Variants in MGAT4C observed in about 807,000 individuals in gnomAD.
MGAT4C encodes the protein alpha-1,3-mannosyl-glycoprotein 4-beta-N-acetylglucosaminyltransferase C.
In MGAT4C, 19 loss-of-function variants were observed where a neutral mutation model predicts 40.1. The observed-to-expected ratio is 0.47, with a 90% CI of 0.33 to 0.70. The LOEUF is 0.70. MGAT4C is among the 30% of genes least tolerant of loss of function. The pLI is 0.02. For missense variants in MGAT4C, 491 were observed against 563.2 expected, an observed-to-expected ratio of 0.87 and a Z score of 1.30; for synonymous variants, 181 against 187.1, an observed-to-expected ratio of 0.97 and a Z score of 0.27.
chr12:86,450,881 T>C (rs1957415864), intron 2 of MGAT4C, among the ~76,000 whole-genome samples: 1 of 152,192 alleles, frequency 6.6e-6, no homozygotes, highest in Non-Finnish European at 1.5e-5. Flanking sequence ...TACATTTATG[T>C]ATTCATACTT....
At chr12:86,216,434 A>G (rs1566161949) in intron 1 of MGAT4C, among the ~76,000 whole-genome samples, 1 of 152,234 alleles carries the variant, frequency 6.6e-6, no homozygotes, top group Non-Finnish European at 1.5e-5. Flanking sequence ...CCATCTGGGC[A>G]GAAACTCTTG....
chr12:86,593,825 G>A (rs1271564913), intron 2 of MGAT4C, among the ~76,000 whole-genome samples: 1 of 152,060 alleles, frequency 6.6e-6, no homozygotes, highest in Non-Finnish European at 1.5e-5. Flanking sequence ...ATTAAATGTA[G>A]TTGGTAGGGA....
intron 2 of MGAT4C, among the ~76,000 whole-genome samples, chr12:86,034,154 T>C (rs1012603951): frequency 2.7e-5 from 4 of 149,650 alleles, no homozygotes; most frequent in African/African-American, 9.7e-5. Flanking sequence ...TTCAGTTTGC[T>C]AGTATTTTGA....
At chr12:86,769,981 G>T (rs1240986836) in intron 1 of MGAT4C, among the ~76,000 whole-genome samples, 3 of 151,942 alleles carry the variant, frequency 2.0e-5, no homozygotes, top group African/African-American at 7.3e-5. Flanking sequence ...CCTGCATATT[G>T]TGCACATGTA....
chr12:86,228,332 A>G (rs1951178397), intron 1 of MGAT4C, among the ~76,000 whole-genome samples: 1 of 151,876 alleles, frequency 6.6e-6, no homozygotes, highest in Non-Finnish European at 1.5e-5. Flanking sequence ...ACCTGAGTGC[A>G]CCTCTATTTT....
At chr12:86,125,345 A>AG (rs34417675) in intron 1 of MGAT4C, among the ~76,000 whole-genome samples, 5 of 152,180 alleles carry the variant, frequency 3.3e-5, no homozygotes, top group Admixed American at 3.3e-4. Context: ...CATCCCACAC[A>AG]GGGAAAAAAG....
At chr12:86,495,651 G>C (rs1276834992) in intron 2 of MGAT4C, among the ~76,000 whole-genome samples, 1 of 151,960 alleles carries the variant, frequency 6.6e-6, no homozygotes, top group Non-Finnish European at 1.5e-5. Context: ...GATACCTACA[G>C]GAAGTTCTTG....
In MGAT4C at chr12:86,158,441, T is replaced by C. The variant is rs185947437; in HGVS notation, c.-57+97798A>G. 1.8e-3 allele frequency among the ~76,000 whole-genome samples: 280 copies of C among 152,298 alleles called. 1 individual carries two copies. The highest frequency in any genetic ancestry group is 6.5e-3 in the African/African-American group (272 of 41,572). On this transcript the variant is annotated intron_variant, in intron 1 of 4. Transcript: ENST00000611864. ...AAACTAGGCATAAAATATTGAAATA[T>C]AATTGTTAAAGGTATGGAATATGTA...
intron 1 of MGAT4C, among the ~76,000 whole-genome samples, chr12:86,231,405 T>C (rs1951318825): frequency 6.6e-6 from 1 of 152,170 alleles, no homozygotes; most frequent in South Asian, 2.1e-4. Context: ...GGTTACCTTC[T>C]GCCTTTCTAA....
chr12:86,153,629 A>AC lies in MGAT4C; in HGVS notation c.-57+102609dup, dbSNP rs1268222395. On this transcript the variant is annotated intron_variant, in intron 1 of 4. Coordinates refer to ENST00000611864, the MANE Select transcript of MGAT4C (RefSeq NM_001351288.2). The stretch of plus-strand genomic sequence containing the variant: ...AAGTGACTGGATTGTAGGGAGGTTT[A>AC]CCCCATGCTGTTCTTGTGATAATGA... Among the ~76,000 whole-genome samples the AC allele has an allele frequency of 7.2e-5, 11 of 152,176 alleles. 1 individual carries two copies. Among genetic ancestry groups the AC allele is most frequent in the Non-Finnish European group, 1.5e-5 (1 of 68,034 alleles).
chr12:86,619,548 C>T (rs1962572116), intron 2 of MGAT4C, among the ~76,000 whole-genome samples: 1 of 152,060 alleles, frequency 6.6e-6, no homozygotes, highest in Admixed American at 6.6e-5. Flanking sequence ...TTTCCTTTCT[C>T]CTGAAGCTTT....
chr12:86,513,532 T>G (rs10735250), intron 2 of MGAT4C, among the ~76,000 whole-genome samples: 113,229 of 152,040 alleles, frequency 0.74, 43,623 homozygotes, highest in South Asian at 0.85. Flanking sequence ...CATACATATA[T>G]AATCCATTCA....
chr12:86,142,999 A>G (rs1883046736), intron 1 of MGAT4C, among the ~76,000 whole-genome samples: 1 of 152,160 alleles, frequency 6.6e-6, no homozygotes, highest in South Asian at 2.1e-4. Flanking sequence ...CCCACAAATG[A>G]AAGCTGTGTA....
chr12:86,251,129 CCG>C (rs1952256127), intron 1 of MGAT4C, among the ~76,000 whole-genome samples: 1 of 89,992 alleles, frequency 1.1e-5, no homozygotes, highest in Admixed American at 1.5e-4. Flanking sequence ...CTTTTATTTC[CCG>C]TTTTTTTTTT....
chr12:86,270,523 CT>C (rs1952919758), intron 4 of MGAT4C, among the ~76,000 whole-genome samples: 1 of 152,082 alleles, frequency 6.6e-6, no homozygotes, highest in Non-Finnish European at 1.5e-5. Flanking sequence ...AATGTTTGTT[CT>C]TTTTTGTCTG....
At chr12:86,502,472 C>T (rs1215813065) in intron 2 of MGAT4C, among the ~76,000 whole-genome samples, 1 of 151,748 alleles carries the variant, frequency 6.6e-6, no homozygotes, top group Non-Finnish European at 1.5e-5. Context: ...CTGCACAATA[C>T]ACAGAGCAAA....
Position 86,533,691 on chromosome 12 carries a change from A to G in MGAT4C, c.-228-98426T>C, listed in dbSNP as rs556461937. Among the ~76,000 whole-genome samples the G allele has an allele frequency of 2.7e-3, 408 of 151,726 alleles. 2 individuals carry two copies. Among genetic ancestry groups the G allele is most frequent in the Middle Eastern group, 6.9e-3 (2 of 290 alleles). On this transcript the variant is annotated intron_variant, in intron 2 of 7. Coordinates refer to the MGAT4C transcript ENST00000548651. The stretch of plus-strand genomic sequence containing the variant: ...TTAAATTACATAATTATAACTTTAT[A>G]TATCTATATATATAAACAAAAATAA...
intron 1 of MGAT4C, among the ~76,000 whole-genome samples, chr12:86,812,606 T>G (rs1952499697): frequency 6.6e-6 from 1 of 152,118 alleles, no homozygotes. Context: ...GCCGTATATA[T>G]TATATATTAA....
chr12:86,723,683 TG>T (rs905977706), intron 2 of MGAT4C, among the ~76,000 whole-genome samples: 4 of 152,034 alleles, frequency 2.6e-5, no homozygotes, highest in African/African-American at 9.7e-5. Flanking sequence ...TCTATGGCAT[TG>T]GGGAACAAAT....
Sources: allele counts gnomAD v4.1 joint callset (sites outside exome capture counted in the v4.1 genomes callset), GRCh38; gene constraint gnomAD v4.1.1; transcripts MANE v1.5; gene names NCBI Gene and HGNC (gene_info 2026-07-23, HGNC 2026-07-21).